HDAC9: variants seen among roughly 807,000 people sequenced by gnomAD.
HDAC9 encodes the protein MEF-2 interacting transcription repressor (MITR) protein.
A neutral mutation model predicts 139.4 loss-of-function variants in HDAC9; 41 were observed. The observed-to-expected ratio is 0.29, with a 90% CI of 0.23 to 0.38. HDAC9 has a LOEUF of 0.38. Ranked by LOEUF, HDAC9 falls within the 10% of genes least tolerant of loss-of-function variation. The pLI is 1.00. For missense variants in HDAC9, 1,147 were observed against 1,297.0 expected (o/e 0.88, Z 1.78); for synonymous variants, 517 against 476.2 (o/e 1.09, Z -1.12).
intron 24 of HDAC9, among the ~76,000 whole-genome samples, chr7:18,971,178 A>G (rs1394751468): frequency 2.0e-5 from 3 of 152,146 alleles, no homozygotes; most frequent in Non-Finnish European, 4.4e-5. Flanking sequence ...TATTTGTGTT[A>G]CTTTTGCCAG....
intron 2 of HDAC9, among the ~76,000 whole-genome samples, chr7:18,189,493 GA>G (rs377094277): frequency 1.1e-4 from 16 of 151,884 alleles, no homozygotes; most frequent in Admixed American, 2.6e-4. Flanking sequence ...AAGAAATAAA[GA>G]AAAAAAAGAA....
chr7:18,807,312 T>G (rs1008208539), intron 17 of HDAC9, among the ~76,000 whole-genome samples: 2 of 152,156 alleles, frequency 1.3e-5, no homozygotes, highest in East Asian at 3.9e-4. Flanking sequence ...CAATTCTGAT[T>G]TTATTTGAGT....
chr7:18,694,098 C>T (rs1295233218), intron 12 of HDAC9, among the ~76,000 whole-genome samples: 1 of 152,136 alleles, frequency 6.6e-6, no homozygotes, highest in Admixed American at 6.6e-5. Flanking sequence ...CTAAGTCAAG[C>T]TTGTGAAATA....
At chr7:18,979,640 C>G (rs559718397) in intron 25 of HDAC9, among the ~76,000 whole-genome samples, 2 of 152,322 alleles carry the variant, frequency 1.3e-5, no homozygotes, top group East Asian at 3.9e-4. Context: ...TTCCACAGGA[C>G]TTTCAGGAAG....
At chr7:18,748,853 G>A (rs1788205335) in intron 13 of HDAC9, among the ~76,000 whole-genome samples, 152 bp from the exon 14 acceptor site, 1 of 152,106 alleles carries the variant, frequency 6.6e-6, no homozygotes, top group South Asian at 2.1e-4. Flanking sequence ...TAGTTCTTAT[G>A]TGCTCCTGAG....
At chr7:18,868,841 G>A (rs747696875) in intron 21 of HDAC9, among the ~76,000 whole-genome samples, 2 of 152,028 alleles carry the variant, frequency 1.3e-5, no homozygotes, top group African/African-American at 4.8e-5. Context: ...ATGAAGGAAT[G>A]CTGAGTGTCC....
chr7:18,763,155 CAAT>C (rs1789534527), intron 15 of HDAC9, among the ~76,000 whole-genome samples: 1 of 152,046 alleles, frequency 6.6e-6, no homozygotes, highest in Non-Finnish European at 1.5e-5. Flanking sequence ...TCACCTAATT[CAAT>C]ATTATTTCAA....
chr7:18,906,378 C>T (rs1802265712), intron 22 of HDAC9, among the ~76,000 whole-genome samples: 1 of 152,174 alleles, frequency 6.6e-6, no homozygotes, highest in African/African-American at 2.4e-5. Flanking sequence ...CTCCTTACCT[C>T]AGGTGATCCA....
chr7:18,968,734 C>T (rs1042617195), intron 24 of HDAC9, among the ~76,000 whole-genome samples: 2 of 151,882 alleles, frequency 1.3e-5, no homozygotes, highest in African/African-American at 2.4e-5. Context: ...CCGAGGCGGG[C>T]GGATCAGGAG....
intron 1 of HDAC9, among the ~76,000 whole-genome samples, chr7:18,440,677 C>T (rs943876429): frequency 5.9e-5 from 9 of 151,968 alleles, no homozygotes; most frequent in African/African-American, 1.7e-4. Flanking sequence ...TTACCCTTAT[C>T]GATTATATTA....
rs559985484 is a variant in HDAC9, at chr7:18,424,366, G to T, written c.-41-71896G>T. 3.3e-5 allele frequency among the ~76,000 whole-genome samples: 5 copies of T among 152,252 alleles called. No homozygotes were observed. In the East Asian group the frequency reaches 9.7e-4, roughly 29 times the overall value. The stretch of plus-strand genomic sequence containing the variant: ...GAGTAATTTTACTCATTTGTATAAT[G>T]AAAATAATTATACCTACTTCATCAG... On this transcript the variant is annotated intron_variant, in intron 1 of 3. Coordinates refer to the HDAC9 transcript ENST00000413509.
At chr7:18,587,860 A>G (rs976943507) in intron 3 of HDAC9, among the ~76,000 whole-genome samples, 1 of 152,222 alleles carries the variant, frequency 6.6e-6, no homozygotes, top group African/African-American at 2.4e-5. Context: ...TGGTAATTAA[A>G]TTGTGTGCTT....
Position 18,689,518 on chromosome 7 carries a change from G to T in HDAC9, c.1731+23042G>T, listed in dbSNP as rs555834088. On this transcript the variant is annotated intron_variant, in intron 12 of 25. Transcript: ENST00000686413. The stretch of plus-strand genomic sequence containing the variant: ...GGAATGTTTTAGGAATATATTAAAA[G>T]TTCTCTTAATCAAGAAATTTCTCTT... Among the ~76,000 whole-genome samples the T allele has an allele frequency of 3.3e-5, 5 of 152,094 alleles. No individual in the cohort carries two copies. In the South Asian group the frequency reaches 1.0e-3, roughly 32 times the overall value.
intron 1 of HDAC9, among the ~76,000 whole-genome samples, chr7:18,112,723 T>C (rs1247200633): frequency 2.0e-5 from 3 of 152,210 alleles, no homozygotes; most frequent in Admixed American, 6.5e-5. Context: ...ATAATGAACA[T>C]ATATATGTGT....
intron 2 of HDAC9, among the ~76,000 whole-genome samples, chr7:18,275,775 C>G (rs61260692): frequency 1.1e-3 from 173 of 152,318 alleles, no homozygotes; most frequent in African/African-American, 4.0e-3. Context: ...GAGCCCTTCA[C>G]TAGCCACTCT....
chr7:18,674,478 T>C (rs563640851), intron 12 of HDAC9, among the ~76,000 whole-genome samples: 1 of 152,168 alleles, frequency 6.6e-6, no homozygotes, highest in African/African-American at 2.4e-5. Context: ...TTGAAATCAG[T>C]TCCATAGTTT....
At chr7:18,180,051 G>A (rs1487406564) in intron 2 of HDAC9, among the ~76,000 whole-genome samples, 1 of 151,970 alleles carries the variant, frequency 6.6e-6, no homozygotes, top group African/African-American at 2.4e-5. Flanking sequence ...CTGTCTTTAG[G>A]TTTGCTCACT....
At chr7:18,306,517 A>T (rs74784008) in intron 1 of HDAC9, among the ~76,000 whole-genome samples, 1 of 152,308 alleles carries the variant, frequency 6.6e-6, no homozygotes, top group East Asian at 1.9e-4. Context: ...TAGTAATCTA[A>T]GTTTAATTAA....
chr7:18,940,938 C>G (rs1781983546), intron 23 of HDAC9, among the ~76,000 whole-genome samples: 1 of 152,048 alleles, frequency 6.6e-6, no homozygotes, highest in Non-Finnish European at 1.5e-5. Flanking sequence ...GAGTTGAGAA[C>G]ATGGCCATTA....
Sources: gnomAD v4.1 joint callset for allele counts (sites outside exome capture counted in the v4.1 genomes callset) on GRCh38, gnomAD v4.1.1 for gene constraint, MANE v1.5 for transcripts, NCBI Gene and HGNC (gene_info 2026-07-23, HGNC 2026-07-21) for gene names.